ORC4: variants seen among roughly 807,000 people sequenced by gnomAD.
ORC4 encodes origin recognition complex, subunit 4 homolog.
A neutral mutation model predicts 63.9 loss-of-function variants in ORC4; 55 were observed. That is an observed-to-expected ratio of 0.86 (90% CI 0.69 to 1.08). The LOEUF (loss-of-function observed/expected upper bound fraction) is 1.08, where lower values mean the gene tolerates loss of function less well. ORC4 is among the 50% of genes least tolerant of loss of function. The pLI, the probability that ORC4 is intolerant of heterozygous loss-of-function variation, is 0.00. For missense variants in ORC4, 511 were observed against 504.4 expected (o/e 1.01, Z -0.13); for synonymous variants, 150 against 168.5 (o/e 0.89, Z 0.85).
At chr2:147,971,967 A>AC (rs1461207901) in intron 4 of ORC4, among the ~76,000 whole-genome samples, 1 of 152,098 alleles carries the variant, frequency 6.6e-6, no homozygotes, top group Non-Finnish European at 1.5e-5. Flanking sequence ...GTTAAAAAAA[A>AC]TTTTGCTTCT....
At chr2:147,996,725 C>T (rs1490985812) in intron 1 of ORC4, among the ~76,000 whole-genome samples, 1 of 152,160 alleles carries the variant, frequency 6.6e-6, no homozygotes, top group Non-Finnish European at 1.5e-5. Context: ...ACACCTATTA[C>T]AATGGCTAAA....
At chr2:148,006,033 G>T (rs1464971450) in intron 1 of ORC4, among the ~76,000 whole-genome samples, 1 of 152,134 alleles carries the variant, frequency 6.6e-6, no homozygotes, top group African/African-American at 2.4e-5. Flanking sequence ...AATCAGGTGA[G>T]TAATCACGGC....
At chr2:147,984,889 C>A (rs1248951203) in intron 1 of ORC4, among the ~76,000 whole-genome samples, 1 of 152,172 alleles carries the variant, frequency 6.6e-6, no homozygotes, top group Non-Finnish European at 1.5e-5. Flanking sequence ...TAAATAATCT[C>A]AAGACTCAAT....
At chr2:147,980,440 C>T (rs374928506) in intron 1 of ORC4, among the ~76,000 whole-genome samples, 1 of 151,764 alleles carries the variant, frequency 6.6e-6, no homozygotes. Flanking sequence ...GTCCTGGAAC[C>T]AGTTTCCCGT....
chr2:147,937,238 A>G (rs1688103721), intron 13 of ORC4, among the ~76,000 whole-genome samples: 1 of 152,096 alleles, frequency 6.6e-6, no homozygotes, highest in Non-Finnish European at 1.5e-5. Context: ...GACTTGGGGA[A>G]TCCACTGTTT....
chr2:147,984,740 A>G (rs1186952085), intron 1 of ORC4, among the ~76,000 whole-genome samples: 1 of 152,222 alleles, frequency 6.6e-6, no homozygotes, highest in African/African-American at 2.4e-5. Flanking sequence ...GCCTATGTGC[A>G]TTTCCCCATG....
At position 147,932,551 on chromosome 2, in the gene ORC4, G is replaced by A. The variant is rs1244125368; in HGVS notation, c.*2959C>T. On this transcript the variant is annotated 3_prime_UTR_variant, in exon 14 of 14. Transcript: ENST00000392857. ...GGGAGTGGTAGCTTTGTAACTTACA[G>A]TGAGGCTTACACCTTGACAACTGCA... 6.6e-6 allele frequency: 1 copy of A among 152,188 alleles called. No homozygotes were observed. The highest frequency in any genetic ancestry group is 1.5e-5 in the Non-Finnish European group (1 of 68,036). The allele number at this position is 152,188 out of a possible 1,614,324, so 9.4% of individuals were successfully genotyped here.
At position 147,969,206 on chromosome 2, in the gene ORC4, G is replaced by C. The variant is rs192901807; in HGVS notation, c.225+3533C>G. On this transcript the variant is annotated intron_variant, in intron 4 of 13. Coordinates refer to ENST00000392857, the MANE Select transcript of ORC4 (RefSeq NM_181741.4). Reference sequence around the variant, plus strand: ...AGCAAGATAGGAGGAGTAAGTAACAGTGTTGTACTATCATTTTTCTGTAAC... The same window carrying C: ...AGCAAGATAGGAGGAGTAAGTAACACTGTTGTACTATCATTTTTCTGTAAC... 3.3e-5 allele frequency among the ~76,000 whole-genome samples: 5 copies of C among 152,052 alleles called. No individual in the cohort carries two copies. The East Asian group carries it at 9.7e-4, about 29-fold the overall frequency.
intron 1 of ORC4, among the ~76,000 whole-genome samples, chr2:147,994,023 G>A (rs1455429654): frequency 6.6e-6 from 1 of 152,074 alleles, no homozygotes; most frequent in Non-Finnish European, 1.5e-5. Context: ...AGGATACAAG[G>A]TTAATATACA....
chr2:147,987,088 T>A (rs1691248116), intron 1 of ORC4, among the ~76,000 whole-genome samples: 1 of 151,740 alleles, frequency 6.6e-6, no homozygotes, highest in African/African-American at 2.4e-5. Context: ...TGGATTTGAA[T>A]TCCTGGGCTC....
In ORC4 at chr2:147,935,682, T is replaced by G. The variant is rs1377794382; in HGVS notation, c.1139A>C (p.Gln380Pro). Residue 380 changes from glutamine (Q) to proline (P), a missense_variant, in exon 14 of 14, where the codon CAG (glutamine) becomes CCG (proline). Physicochemically the swap from Gln to Pro is moderately conservative, Grantham distance 76. Coordinates refer to ENST00000392857, the MANE Select transcript of ORC4 (RefSeq NM_181741.4). ...PVVMKAFEHLQQLELIKPMER... is the reference protein window; with the variant it reads ...PVVMKAFEHLPQLELIKPMER... ...CATGGGCTTTATTAATTCTAATTGC[T>G]GCAAGTGTTCAAAAGCCTGAAAGAT... 6.2e-7 allele frequency: 1 copy of G among 1,612,704 alleles called. No homozygotes were observed. Among genetic ancestry groups the G allele is most frequent in the Admixed American group, 1.7e-5 (1 of 59,996 alleles).
chr2:147,992,015 C>A (rs1318294880), intron 1 of ORC4, among the ~76,000 whole-genome samples: 2 of 152,074 alleles, frequency 1.3e-5, no homozygotes, highest in Non-Finnish European at 2.9e-5. Flanking sequence ...TATAGGCTAA[C>A]AAAAGAACTA....
intron 8 of ORC4, among the ~76,000 whole-genome samples, chr2:147,950,701 G>C (rs1317444979): frequency 4.0e-5 from 6 of 149,362 alleles, no homozygotes; most frequent in African/African-American, 1.2e-4. Flanking sequence ...GAAGGTGGAG[G>C]TTGCAGTGAG....
rs559317890 is a variant in ORC4, at chr2:148,013,186, T to C, written c.-18+7447A>G. On this transcript the variant is annotated intron_variant, in intron 1 of 13. Coordinates refer to ENST00000392857, the MANE Select transcript of ORC4 (RefSeq NM_181741.4). ...AGCCAGGATATGGAATCAACCTAAC[T>C]GTCAATCAATGGATGGATAAAGAAA... is the stretch of plus-strand genomic sequence containing the variant. Among the ~76,000 whole-genome samples the C allele has an allele frequency of 7.2e-5, 11 of 152,134 alleles. No homozygotes were observed. The South Asian group carries it at 2.3e-3, about 32-fold the overall frequency.
intron 13 of ORC4, 47 bp downstream of exon 13, chr2:147,938,098 TA>T: frequency 3.2e-6 from 4 of 1,263,310 alleles, no homozygotes; most frequent in South Asian, 1.2e-5. Context: ...AAATTGGATG[TA>T]AAAAATATAC....
At chr2:148,000,549 T>C (rs1212411390) in intron 1 of ORC4, among the ~76,000 whole-genome samples, 2 of 152,010 alleles carry the variant, frequency 1.3e-5, no homozygotes, top group Admixed American at 6.6e-5. Context: ...AGAAAGCTAC[T>C]AGAAAATGGA....
chr2:147,993,665 AT>A lies in ORC4; in HGVS notation c.-17-17691del. ...CAGTTGACATTTACAATGAAATAGG[AT>A]TTTTAGACAGTTGTGCTTTTTGGGT... On this transcript the variant is annotated intron_variant, in intron 1 of 13. Transcript: ENST00000392857. Among the ~76,000 whole-genome samples the A allele has an allele frequency of 1.3e-5, 2 of 152,210 alleles. 1 individual carries two copies. Among genetic ancestry groups the A allele is most frequent in the Middle Eastern group, 6.8e-3 (2 of 294 alleles).
At chr2:148,014,303 A>G (rs1693138291) in intron 1 of ORC4, among the ~76,000 whole-genome samples, 1 of 152,228 alleles carries the variant, frequency 6.6e-6, no homozygotes, top group South Asian at 2.1e-4. Context: ...TCATTAGGAT[A>G]AGAGGAAATT....
At chr2:147,997,352 A>G (rs1222273117) in intron 1 of ORC4, among the ~76,000 whole-genome samples, 1 of 152,194 alleles carries the variant, frequency 6.6e-6, no homozygotes, top group Non-Finnish European at 1.5e-5. Context: ...AAATCCATAG[A>G]ATGTACAAAA....
Sources: gnomAD v4.1 joint callset for allele counts (sites outside exome capture counted in the v4.1 genomes callset) on GRCh38, gnomAD v4.1.1 for gene constraint, MANE v1.5 for transcripts, NCBI Gene and HGNC (gene_info 2026-07-23, HGNC 2026-07-21) for gene names.